NR3C1: variants seen among roughly 807,000 people sequenced by gnomAD.
The protein encoded by NR3C1 is glucocorticoid receptor.
Under a neutral mutation model 74.0 loss-of-function variants are expected in NR3C1, and 14 were observed. The observed-to-expected ratio is 0.19, with a 90% CI of 0.12 to 0.30. NR3C1 has a LOEUF of 0.30. Ranked by LOEUF, NR3C1 falls within the 10% of genes least tolerant of loss-of-function variation. The pLI is 1.00. For missense variants in NR3C1, 695 were observed against 909.8 expected (o/e 0.76, Z 3.04); for synonymous variants, 308 against 332.5 (o/e 0.93, Z 0.80).
intron 7 of NR3C1, among the ~76,000 whole-genome samples, chr5:143,292,747 C>T (rs1209893840): frequency 1.3e-5 from 2 of 152,066 alleles, no homozygotes; most frequent in African/African-American, 4.8e-5. Flanking sequence ...CCATAGTCTT[C>T]CTGGCTTCAG....
chr5:143,430,885 A>C (rs993783358), intron 1 of NR3C1, among the ~76,000 whole-genome samples: 4 of 152,186 alleles, frequency 2.6e-5, no homozygotes, highest in African/African-American at 9.7e-5. Context: ...GCAAGTTCCC[A>C]CCGTGTTTAG....
chr5:143,391,663 T>A (rs1162684901), intron 2 of NR3C1, among the ~76,000 whole-genome samples: 1 of 152,130 alleles, frequency 6.6e-6, no homozygotes, highest in Non-Finnish European at 1.5e-5. Flanking sequence ...CACTGAAAAC[T>A]TTGTCGAAGG....
chr5:143,308,767 G>A (rs1303335075), intron 4 of NR3C1, among the ~76,000 whole-genome samples: 1 of 152,090 alleles, frequency 6.6e-6, no homozygotes, highest in Non-Finnish European at 1.5e-5. Flanking sequence ...ATGCTATTTT[G>A]TGACTGACTC....
intron 1 of NR3C1, 116 bp downstream of exon 1, chr5:143,403,095 T>TCC: frequency 4.9e-6 from 1 of 202,768 alleles, no homozygotes; most frequent in Non-Finnish European, 6.0e-6. Context: ...CCACCCCCAC[T>TCC]CCCCGAGGCT....
chr5:143,335,534 C>T (rs1381860112), intron 2 of NR3C1, among the ~76,000 whole-genome samples: 1 of 152,112 alleles, frequency 6.6e-6, no homozygotes, highest in African/African-American at 2.4e-5. Context: ...AAAATAAAGT[C>T]GCCATTCTTT....
At chr5:143,308,950 A>C (rs1820245428) in intron 4 of NR3C1, among the ~76,000 whole-genome samples, 1 of 152,220 alleles carries the variant, frequency 6.6e-6, no homozygotes, top group African/African-American at 2.4e-5. Context: ...TGCAATTTCA[A>C]CCACAGCAGA....
intron 8 of NR3C1, among the ~76,000 whole-genome samples, chr5:143,282,322 G>A (rs1162323771): frequency 1.3e-5 from 2 of 152,084 alleles, no homozygotes; most frequent in African/African-American, 2.4e-5. Context: ...TTTAAAAACA[G>A]TATTACTAAA....
intron 2 of NR3C1, among the ~76,000 whole-genome samples, chr5:143,399,341 T>C (rs2151938369): frequency 6.6e-6 from 1 of 152,358 alleles, no homozygotes; most frequent in African/African-American, 2.4e-5. Context: ...TGAGACATTA[T>C]ACTCTCCTGA....
In NR3C1 at chr5:143,386,818, C is replaced by G. The variant is rs1401332471; in HGVS notation, c.1184+12838G>C. On this transcript the variant is annotated intron_variant, in intron 2 of 8. Coordinates refer to ENST00000394464, the MANE Select transcript of NR3C1 (RefSeq NM_000176.3). ...TAATGCTCACTTACACTCAGATATG[C>G]TTTCTTGGATAACAGACTGTGTATA... Among the ~76,000 whole-genome samples the G allele has an allele frequency of 5.3e-5, 8 of 152,194 alleles. No homozygotes were observed. The East Asian group carries it at 1.3e-3, about 26-fold the overall frequency.
rs141410226 is a variant in NR3C1 at position 143,334,725 on chromosome 5, G to GAA, written c.1185-20559_1185-20558dup. ...ATAAATGTTCACTTGTCTCTGCTGT[G>GAA]AAAAAAAAAAAAAAGAATTAAGAGT... On this transcript the variant is annotated intron_variant, in intron 2 of 8. Transcript: ENST00000394464. 1.3e-3 allele frequency among the ~76,000 whole-genome samples: 175 copies of GAA among 134,010 alleles called. 4 individuals are homozygous for GAA. In the East Asian group the frequency reaches 0.024, roughly 19 times the overall value. 87.9% of individuals were successfully genotyped at this position (134,010 alleles called of 152,430 possible). A position where few individuals can be genotyped will look rare whatever the true frequency, so the allele number is the denominator to read the frequency against.
chr5:143,410,848 A>T (rs1044204514), intron 1 of NR3C1, among the ~76,000 whole-genome samples: 13 of 152,300 alleles, frequency 8.5e-5, no homozygotes, highest in African/African-American at 3.1e-4. Flanking sequence ...GGCAGTCTGG[A>T]ATTTTAGGCA....
At chr5:143,311,794 T>G (rs948316402) in intron 3 of NR3C1, among the ~76,000 whole-genome samples, 26 of 150,622 alleles carry the variant, frequency 1.7e-4, no homozygotes, top group African/African-American at 5.6e-4. Flanking sequence ...TAACGTTTTT[T>G]TTTTTTTTTT....
At chr5:143,429,610 TA>T (rs2151963521) in intron 1 of NR3C1, among the ~76,000 whole-genome samples, 1 of 152,302 alleles carries the variant, frequency 6.6e-6, no homozygotes, top group East Asian at 1.9e-4. Flanking sequence ...TAAATCAGAA[TA>T]AACTATCTGG....
chr5:143,413,007 GAATTCCTTCAACAAAATAC>G (rs1841347677), intron 1 of NR3C1, among the ~76,000 whole-genome samples: 1 of 152,030 alleles, frequency 6.6e-6, no homozygotes, highest in Non-Finnish European at 1.5e-5. Flanking sequence ...CAACAAAAGA[GAATTCCTTCAACAAAATAC>G]AATTCCTTCA....
intron 2 of NR3C1, among the ~76,000 whole-genome samples, chr5:143,374,197 C>G (rs1473055990): frequency 6.6e-6 from 1 of 152,082 alleles, no homozygotes; most frequent in African/African-American, 2.4e-5. Flanking sequence ...GGCTTAAAAA[C>G]ATAGTGAGTA....
rs1263874778 is a variant in NR3C1, at chr5:143,311,911, GTGAGCCACAGTGCACAGCCCATTTTCCT to G, written c.1352-1726_1352-1699del. ...CTCCCAAATTGCTGGGATAATAGGT[GTGAGCCACAGTGCACAGCCCATTTTCCT>G]TGAGCCACAGTGCCCAGCCCATTTT... On this transcript the variant is annotated intron_variant, in intron 3 of 8. Coordinates refer to ENST00000394464, the MANE Select transcript of NR3C1 (RefSeq NM_000176.3). 2.3e-4 allele frequency among the ~76,000 whole-genome samples: 34 copies of G among 150,838 alleles called. 1 individual carries two copies. The Middle Eastern group carries it at 0.01, about 46-fold the overall frequency.
At chr5:143,348,245 A>T (rs754472258) in intron 2 of NR3C1, among the ~76,000 whole-genome samples, 5 of 152,234 alleles carry the variant, frequency 3.3e-5, no homozygotes, top group African/African-American at 9.6e-5. Flanking sequence ...AAAATGCCCA[A>T]TGAAACTATA....
chr5:143,425,545 A>C (rs1044311328), intron 1 of NR3C1, among the ~76,000 whole-genome samples: 1 of 152,186 alleles, frequency 6.6e-6, no homozygotes, highest in Non-Finnish European at 1.5e-5. Flanking sequence ...AAAGACAACC[A>C]ACATTTCAAA....
intron 2 of NR3C1, among the ~76,000 whole-genome samples, chr5:143,344,939 C>T (rs142187162): frequency 6.6e-6 from 1 of 152,092 alleles, no homozygotes; most frequent in South Asian, 2.1e-4. Flanking sequence ...CTGTCCAGGG[C>T]CACTGTCTGT....
Sources: allele counts gnomAD v4.1 joint callset (sites outside exome capture counted in the v4.1 genomes callset), GRCh38; gene constraint gnomAD v4.1.1; transcripts MANE v1.5; gene names NCBI Gene and HGNC (gene_info 2026-07-23, HGNC 2026-07-21).